CHIA: variants seen among roughly 807,000 people sequenced by gnomAD.
CHIA encodes the protein chitinase acidic.
CHIA carries 47 observed loss-of-function variants against 53.5 expected under a neutral mutation model. The ratio of observed to expected loss-of-function variants is 0.88; its 90% confidence interval spans 0.70 to 1.12. CHIA has a LOEUF of 1.12. CHIA is among the 50% of genes most tolerant of loss of function. The pLI is 0.00. For synonymous variants in CHIA, 268 were observed against 222.2 expected, an observed-to-expected ratio of 1.21 and a Z score of -1.83; for missense variants, 652 against 592.2, an observed-to-expected ratio of 1.10 and a Z score of -1.05.
chr1:111,295,280 A>C (rs1304592492), intron 1 of CHIA, among the ~76,000 whole-genome samples: 8 of 152,196 alleles, frequency 5.3e-5, no homozygotes, highest in Admixed American at 2.0e-4. Context: ...TCCCAGGCTC[A>C]AGTGATTCTC....
chr1:111,315,489 C>T (rs1227605856), intron 6 of CHIA, 54 bp downstream of exon 6: 12 of 1,568,660 alleles, frequency 7.6e-6, no homozygotes, highest in East Asian at 4.5e-5. Flanking sequence ...TCTTTCTTTC[C>T]GAGGAGAATT....
chr1:111,310,341 G>T, intron 1 of CHIA, 59 bp from the exon 2 acceptor site: 1 of 1,533,000 alleles, frequency 6.5e-7, no homozygotes. Flanking sequence ...TAGAAGAGAA[G>T]GTCCGTTGAT....
Position 111,314,845 on chromosome 1 carries a change from A to G in CHIA, c.314+249A>G, listed in dbSNP as rs1392254779. On this transcript the variant is annotated intron_variant, in intron 5 of 11. Coordinates refer to ENST00000369740, the MANE Select transcript of CHIA (RefSeq NM_201653.4). ...GAGGTTTACTTACTGAGGTTCCCAA[A>G]CAACCTCTTCTTAAAGTATTTCAAG... The G allele has an allele frequency of 2.5e-5, 12 of 485,728 alleles. No homozygotes were observed. The South Asian group carries it at 3.1e-4, about 13-fold the overall frequency. The allele number at this position is 485,728 out of a possible 1,614,324, so 30.1% of individuals were successfully genotyped here. A position where few individuals can be genotyped will look rare whatever the true frequency, so the allele number is the denominator to read the frequency against.
At chr1:111,316,209 T>C (rs1294046287) in intron 6 of CHIA, 1 of 169,150 alleles carries the variant, frequency 5.9e-6, no homozygotes, top group Non-Finnish European at 1.3e-5. Flanking sequence ...GGCTGTGAAG[T>C]TGCATGAAGA....
chr1:111,317,428 C>G (rs1039640005), intron 6 of CHIA: 13 of 377,920 alleles, frequency 3.4e-5, no homozygotes, highest in African/African-American at 2.5e-4. Flanking sequence ...GGGTTTTGGT[C>G]ATGACCTACC....
chr1:111,314,476 T>A (rs371962718), intron 4 of CHIA, 64 bp from the exon 5 acceptor site: 1 of 1,106,584 alleles, frequency 9.0e-7, no homozygotes, highest in South Asian at 1.3e-5. Context: ...ACTAAAGCAA[T>A]GTATTTTAAA....
chr1:111,319,597 C>G (rs1162655153), intron 11 of CHIA, 129 bp downstream of exon 11: 2 of 845,952 alleles, frequency 2.4e-6, no homozygotes, highest in Non-Finnish European at 3.7e-6. Context: ...CGCTCTTGCC[C>G]AGATGAGAGA....
intron 5 of CHIA, chr1:111,314,870 G>A: frequency 2.2e-6 from 1 of 459,246 alleles, no homozygotes; most frequent in Non-Finnish European, 3.9e-6. Context: ...AGTATTTCAA[G>A]AGTACAAACC....
chr1:111,310,334 A>G, intron 1 of CHIA, 66 bp from the exon 2 acceptor site: 1 of 1,514,008 alleles, frequency 6.6e-7, no homozygotes, highest in Non-Finnish European at 8.8e-7. Flanking sequence ...GTGTTTGTAG[A>G]AGAGAAGGTC....
rs1478112513 is a variant in CHIA, at chr1:111,314,870, G to C, written c.314+274G>C. 20 of 459,246 alleles carry C rather than the reference G, an allele frequency of 4.4e-5. No individual in the cohort carries two copies. The East Asian group carries it at 7.7e-4, about 18-fold the overall frequency. 28.4% of individuals were successfully genotyped at this position (459,246 alleles called of 1,614,324 possible). Reference sequence around the variant, plus strand: ...ACAACCTCTTCTTAAAGTATTTCAAGAGTACAAACCCTGAGGACAGTGTTA... The same window carrying C: ...ACAACCTCTTCTTAAAGTATTTCAACAGTACAAACCCTGAGGACAGTGTTA... On this transcript the variant is annotated intron_variant, in intron 5 of 11. Transcript: ENST00000369740.
intron 1 of CHIA, among the ~76,000 whole-genome samples, chr1:111,307,489 T>C (rs1269717986): frequency 6.6e-6 from 1 of 152,208 alleles, no homozygotes; most frequent in Non-Finnish European, 1.5e-5. Context: ...GTGATAATAC[T>C]ATAAATGAAG....
intron 1 of CHIA, among the ~76,000 whole-genome samples, chr1:111,293,914 T>C (rs961356754): frequency 1.3e-5 from 2 of 152,076 alleles, no homozygotes; most frequent in Non-Finnish European, 2.9e-5. Flanking sequence ...ACCCTGTTCC[T>C]ATAAAAAATA....
intron 8 of CHIA, 76 bp from the exon 9 acceptor site, chr1:111,318,417 G>T: frequency 8.1e-7 from 1 of 1,241,834 alleles, no homozygotes; most frequent in Non-Finnish European, 1.1e-6. Context: ...TTTACCTGTC[G>T]GAATAGGGGA....
At position 111,314,544 on chromosome 1, in the gene CHIA, A is replaced by C. The variant is rs1648986681; in HGVS notation, c.262A>C (p.Ser88Arg). 1 of 1,609,798 alleles carries C rather than the reference A, an allele frequency of 6.2e-7. No homozygotes were observed. Among genetic ancestry groups the C allele is most frequent in the East Asian group, 2.2e-5 (1 of 44,858 alleles). The change falls in exon 5 of 12, where the codon AGC becomes CGC. Residue 88 changes from serine (S) to arginine (R), a missense_variant. Ser to Arg is a moderately radical substitution (Grantham distance 110). Transcript: ENST00000369740. ...TTTCTATCCTTTGTTTTACAGGAAC[A>C]GCCAGCTGAAAACTCTCCTGGCCAT... is the stretch of plus-strand genomic sequence containing the variant. The part of the protein sequence containing the change: ...QAFNGLKNKN[S>R]QLKTLLAIGG...
At position 111,310,482 on chromosome 1, in the gene CHIA, T is replaced by C. The variant is rs200053948; in HGVS notation, c.15T>C (p.Ile5=). MTKL[I]LLTGLVLILN... The stretch of plus-strand genomic sequence containing the variant: ...TGACTGCAACCATGACAAAGCTTAT[T>C]CTCCTCACAGGTGGGTTTGTAATCA... Residue 5 remains isoleucine (I), a synonymous_variant, in exon 2 of 12, where the codon ATT becomes ATC. Coordinates refer to ENST00000369740, the MANE Select transcript of CHIA (RefSeq NM_201653.4). The C allele has an allele frequency of 5.8e-5, 93 of 1,614,182 alleles. No homozygotes were observed. The highest frequency in any genetic ancestry group is 3.3e-4 in the Middle Eastern group (2 of 6,062).
rs768344827 is a variant in CHIA, at chr1:111,311,730, A to G, written c.55+12A>G. ...GAATTTGCAGCTCGGTAAGTCATGG[A>G]CTCCATGTTTTATCATTGAATGTAT... is the stretch of plus-strand genomic sequence containing the variant. On this transcript the variant is annotated intron_variant, in intron 3 of 11. Transcript: ENST00000369740. 2 of 1,612,476 alleles carry G rather than the reference A, an allele frequency of 1.2e-6. No individual in the cohort carries two copies. Among genetic ancestry groups the G allele is most frequent in the Non-Finnish European group, 1.7e-6 (2 of 1,178,864 alleles).
chr1:111,303,805 A>G (rs1466989990), intron 1 of CHIA, among the ~76,000 whole-genome samples: 2 of 152,304 alleles, frequency 1.3e-5, no homozygotes, highest in East Asian at 1.9e-4. Context: ...AGCTTTTATA[A>G]TTGCCCATGT....
chr1:111,310,663 G>C (rs1197343705), intron 2 of CHIA, among the ~76,000 whole-genome samples, 171 bp downstream of exon 2: 2 of 152,050 alleles, frequency 1.3e-5, no homozygotes, highest in African/African-American at 4.8e-5. Context: ...TCTGCCTCTT[G>C]TTCTCTTAAC....
At chr1:111,310,932 C>T (rs1571289026) in intron 2 of CHIA, among the ~76,000 whole-genome samples, 1 of 152,294 alleles carries the variant, frequency 6.6e-6, no homozygotes. Context: ...CTTTGTTCTG[C>T]TGTTTTCAGA....
Sources: allele counts gnomAD v4.1 joint callset (sites outside exome capture counted in the v4.1 genomes callset), GRCh38; gene constraint gnomAD v4.1.1; transcripts MANE v1.5; gene names NCBI Gene and HGNC (gene_info 2026-07-23, HGNC 2026-07-21).